The following PELP1 variants were observed in gnomAD, a reference collection of about 807,000 sequenced individuals.
PELP1 encodes proline, glutamate and leucine rich protein 1.
In PELP1, 32 loss-of-function variants were observed where a neutral mutation model predicts 95.5. The ratio of observed to expected loss-of-function variants is 0.34; its 90% CI spans 0.25 to 0.45. The LOEUF is 0.45. PELP1 is among the 20% of genes least tolerant of loss of function. PELP1 has a pLI of 1.00. For synonymous variants in PELP1, 668 were observed against 600.1 expected, an observed-to-expected ratio of 1.11 and a Z score of -1.65; for missense variants, 1,358 against 1,444.8, an observed-to-expected ratio of 0.94 and a Z score of 0.97.
At chr17:4,687,349 C>G (rs930789598) in intron 3 of PELP1, among the ~76,000 whole-genome samples, 23 of 152,214 alleles carry the variant, frequency 1.5e-4, no homozygotes, top group Non-Finnish European at 3.1e-4. Flanking sequence ...TCGAGATCAT[C>G]CTGACTAACA....
chr17:4,692,046 C>T (rs954799421), intron 1 of PELP1, among the ~76,000 whole-genome samples: 14 of 152,176 alleles, frequency 9.2e-5, no homozygotes, highest in African/African-American at 3.4e-4. Flanking sequence ...GTCTCCCTAA[C>T]GGCGTGCATC....
At chr17:4,697,114 G>A (rs1913328216) in intron 1 of PELP1, among the ~76,000 whole-genome samples, 1 of 152,174 alleles carries the variant, frequency 6.6e-6, no homozygotes, top group African/African-American at 2.4e-5. Context: ...GAGAAACAGT[G>A]CAAGGCCTGG....
chr17:4,684,138 A>C (rs1029150004), intron 3 of PELP1, among the ~76,000 whole-genome samples: 3 of 152,126 alleles, frequency 2.0e-5, no homozygotes, highest in African/African-American at 7.2e-5. Flanking sequence ...CTAAGGAAAA[A>C]CATCCAGCAT....
chr17:4,676,632 C>T (rs1407891353), intron 6 of PELP1, 121 bp downstream of exon 6: 13 of 1,400,996 alleles, frequency 9.3e-6, no homozygotes, highest in African/African-American at 2.9e-5. Flanking sequence ...TGAGATGGGA[C>T]AATGAGGCCG....
rs1912217759 is a variant in PELP1, at chr17:4,671,886, TCCCTGG to T, written c.3099_3104del (p.Gln1034_Gly1035del). On this transcript the variant is annotated inframe_deletion, in exon 16 of 17. Coordinates refer to ENST00000572293, the MANE Select transcript of PELP1 (RefSeq NM_014389.3). ...GGCTTTCCCCTTCCCTCTCCACCTCTCCCTGGGAGGGGAGCGCTTCAGGGGCCAGGG... is the reference window on the plus strand; with the variant it reads ...GGCTTTCCCCTTCCCTCTCCACCTCTGAGGGGAGCGCTTCAGGGGCCAGGG... 6.6e-7 allele frequency: 1 copy of T among 1,513,498 alleles called. No individual in the cohort carries two copies. Among genetic ancestry groups the T allele is most frequent in the Non-Finnish European group, 8.8e-7 (1 of 1,134,600 alleles). The allele number at this position is 1,513,498 out of a possible 1,614,324, so 93.8% of individuals were successfully genotyped here.
intron 5 of PELP1, among the ~76,000 whole-genome samples, chr17:4,679,522 CT>C (rs1457719293): frequency 6.6e-6 from 1 of 152,236 alleles, no homozygotes; most frequent in Non-Finnish European, 1.5e-5. Context: ...TTCCCCTCCA[CT>C]TTCATGGGGG....
chr17:4,681,670 T>G (rs1048388189), intron 5 of PELP1, among the ~76,000 whole-genome samples: 18 of 151,966 alleles, frequency 1.2e-4, no homozygotes, highest in East Asian at 1.2e-3. Flanking sequence ...CGTAGTGGTA[T>G]GCACCTGCAG....
Position 4,682,895 on chromosome 17 carries a change from G to A in PELP1, c.478C>T (p.Arg160Ter). The change falls in exon 4 of 17, where the codon CGA (arginine) becomes TGA (stop). Residue 160 changes from arginine to a stop codon, truncating the protein, a stop_gained. Coordinates refer to ENST00000572293, the MANE Select transcript of PELP1 (RefSeq NM_014389.3). LOFTEE classifies it high-confidence loss of function. ...LAVAVLRDLL[R>*]YAAQLPALFR... ...AGTGCAGGCAGCTGGGCTGCATATC[G>A]GAGGAGGTCCCTCAGGACAGCCACG... is the stretch of plus-strand genomic sequence containing the variant. 2 of 1,588,958 alleles carry A rather than the reference G, an allele frequency of 1.3e-6. No homozygotes were observed. The highest frequency in any genetic ancestry group is 1.7e-6 in the Non-Finnish European group (2 of 1,169,588).
At chr17:4,703,834 G>A (rs1177787958) in intron 1 of PELP1, 29 bp downstream of exon 1, 4 of 1,586,016 alleles carry the variant, frequency 2.5e-6, no homozygotes, top group Admixed American at 1.8e-5. Context: ...CTCCCCACAG[G>A]GCCGCGGGCA....
At chr17:4,698,487 A>G (rs1243686232) in intron 1 of PELP1, among the ~76,000 whole-genome samples, 1 of 151,576 alleles carries the variant, frequency 6.6e-6, no homozygotes, top group Non-Finnish European at 1.5e-5. Flanking sequence ...AAAAAAAGAA[A>G]AAAAATTAGC....
At chr17:4,695,752 G>A (rs1913274162) in intron 1 of PELP1, among the ~76,000 whole-genome samples, 1 of 150,730 alleles carries the variant, frequency 6.6e-6, no homozygotes, top group African/African-American at 2.4e-5. Context: ...GCCAAGGTGG[G>A]CAGATCATTT....
At chr17:4,676,658 CAT>C in intron 6 of PELP1, 93 bp downstream of exon 6, 1 of 1,352,132 alleles carries the variant, frequency 7.4e-7, no homozygotes, top group African/African-American at 1.5e-5. Flanking sequence ...CACAGATGGG[CAT>C]ATGAAGGCAG....
rs1912435440 is a variant in PELP1, at chr17:4,675,725, A to AAAC, written c.1068+71_1068+72insGTT. The AAAC allele has an allele frequency of 9.2e-7, 1 of 1,081,892 alleles. No homozygotes were observed. Among genetic ancestry groups the AAAC allele is most frequent in the African/African-American group, 1.6e-5 (1 of 64,060 alleles). 67.0% of individuals were successfully genotyped at this position (1,081,892 alleles called of 1,614,324 possible). ...AGGATGACACTGTTTGGGGAGACTC[A>AAAC]GGTCCCCAGTACTTTCCTGGTTGCC... On this transcript the variant is annotated intron_variant, in intron 9 of 16. Coordinates refer to ENST00000572293, the MANE Select transcript of PELP1 (RefSeq NM_014389.3). This position sits in a 1 kb window ranked among gnomAD's most constrained non-coding sequence, Gnocchi z 4.3.
At chr17:4,671,564 G>C (rs1227365555) in intron 16 of PELP1, 33 bp from the exon 17 acceptor site, 20 of 1,612,404 alleles carry the variant, frequency 1.2e-5, no homozygotes, top group Admixed American at 3.3e-5. Flanking sequence ...ATTCAGAATA[G>C]TCACACACAC....
rs1352514974 is a variant in PELP1 at position 4,672,738 on chromosome 17, G to A, written c.2253C>T (p.Pro751=). 15 of 1,613,416 alleles carry A rather than the reference G, an allele frequency of 9.3e-6. No homozygotes were observed. The highest frequency in any genetic ancestry group is 1.6e-4 in the Middle Eastern group (1 of 6,074). The change falls in exon 16 of 17, where the codon CCC becomes CCT. Residue 751 remains proline (P), a synonymous_variant. Coordinates refer to ENST00000572293, the MANE Select transcript of PELP1 (RefSeq NM_014389.3). ...CTCTCCCCCCAAAAGTTTCATCTGGGGGTATAGTAGGTGGGGGAGTCCCAC... is the reference window on the plus strand; with the variant it reads ...CTCTCCCCCCAAAAGTTTCATCTGGAGGTATAGTAGGTGGGGGAGTCCCAC... ...APSGTPPPTI[P]PDETFGGRVP...
At chr17:4,689,539 G>T (rs1210413130) in intron 3 of PELP1, among the ~76,000 whole-genome samples, 2 of 152,138 alleles carry the variant, frequency 1.3e-5, no homozygotes, top group African/African-American at 2.4e-5. Flanking sequence ...CTCAAAAGAA[G>T]ATATACAAAT....
rs766335239 is a variant in PELP1 at position 4,675,664 on chromosome 17, T to C, written c.1068+133A>G. 1.5e-5 allele frequency: 11 copies of C among 742,234 alleles called. No individual in the cohort carries two copies. In the South Asian group the frequency reaches 1.6e-4, roughly 11 times the overall value. 46.0% of individuals were successfully genotyped at this position (742,234 alleles called of 1,614,324 possible). On this transcript the variant is annotated intron_variant, in intron 9 of 16. Coordinates refer to ENST00000572293, the MANE Select transcript of PELP1 (RefSeq NM_014389.3). The surrounding 1 kb of genome is among the most constrained non-coding windows in gnomAD (Gnocchi z 4.3). ...TCACGACACATAGGAAGTGATGTTA[T>C]TTGGACAAAAGTAGGAAGCTCTCTG... is the stretch of plus-strand genomic sequence containing the variant.
rs573384337 is a variant in PELP1, at chr17:4,675,223, C to T, written c.1158-28G>A. 1.2e-6 allele frequency: 2 copies of T among 1,607,418 alleles called. No homozygotes were observed. Among genetic ancestry groups the T allele is most frequent in the Non-Finnish European group, 8.5e-7 (1 of 1,177,008 alleles). On this transcript the variant is annotated intron_variant, in intron 10 of 16. Coordinates refer to ENST00000572293, the MANE Select transcript of PELP1 (RefSeq NM_014389.3). This position sits in a 1 kb window ranked among gnomAD's most constrained non-coding sequence, Gnocchi z 4.3. The stretch of plus-strand genomic sequence containing the variant: ...GGGGCAGAGAAGGAATGGTGACCCT[C>T]GTTTCTGGCACGCCCTATCCCTTCA...
In PELP1 at chr17:4,672,858, A is replaced by T. The variant is rs765929440; in HGVS notation, c.2133T>A (p.Leu711=). The change falls in exon 16 of 17, where the codon CTT becomes CTA. Residue 711 remains leucine (L), a synonymous_variant. Coordinates refer to ENST00000572293, the MANE Select transcript of PELP1 (RefSeq NM_014389.3). Reference sequence around the variant, plus strand: ...GGACAGACACTAGGCCTGGGACAGAAAGGCCTAGGTGGTTGGCTGTGGTGG... The same window carrying T: ...GGACAGACACTAGGCCTGGGACAGATAGGCCTAGGTGGTTGGCTGTGGTGG... ...GPPTTANHLG[L]SVPGLVSVPP... 1 of 1,613,864 alleles carries T rather than the reference A, an allele frequency of 6.2e-7. No homozygotes were observed. The highest frequency in any genetic ancestry group is 1.1e-5 in the South Asian group (1 of 91,082).
Sources: allele counts gnomAD v4.1 joint callset (sites outside exome capture counted in the v4.1 genomes callset), GRCh38; gene constraint gnomAD v4.1.1; non-coding constraint Gnocchi (gnomAD v3.1); transcripts MANE v1.5; gene names NCBI Gene and HGNC (gene_info 2026-07-23, HGNC 2026-07-21).